RPTOR: variants seen among roughly 807,000 people sequenced by gnomAD.
RPTOR encodes the protein regulatory-associated protein of mTOR.
Under a neutral mutation model 169.9 loss-of-function variants are expected in RPTOR, and 21 were observed. The ratio of observed to expected loss-of-function variants is 0.12; its 90% CI spans 0.09 to 0.18. The LOEUF (loss-of-function observed/expected upper bound fraction) is 0.18. Among genes scored for constraint, RPTOR ranks in the 10% least tolerant of loss-of-function variants. RPTOR has a pLI of 1.00. For missense variants in RPTOR, 1,133 were observed against 1,855.9 expected (o/e 0.61, Z 7.16); for synonymous variants, 732 against 753.2 (o/e 0.97, Z 0.46).
At chr17:80,561,868 A>G (rs144758224) in intron 1 of RPTOR, among the ~76,000 whole-genome samples, 1 of 151,466 alleles carries the variant, frequency 6.6e-6, no homozygotes, top group Non-Finnish European at 1.5e-5. Flanking sequence ...ACATGTAAGT[A>G]TGTATGTGAA....
chr17:80,770,062 G>A (rs2066826952), intron 6 of RPTOR, among the ~76,000 whole-genome samples: 1 of 152,340 alleles, frequency 6.6e-6, no homozygotes, highest in African/African-American at 2.4e-5. Context: ...GAGGCTGGAA[G>A]TCCCAGGTCA....
At chr17:80,638,349 A>G (rs191074617) in intron 2 of RPTOR, among the ~76,000 whole-genome samples, 51 of 151,822 alleles carry the variant, frequency 3.4e-4, no homozygotes, top group African/African-American at 1.2e-3. Flanking sequence ...CTCTGTGCCC[A>G]CAGCTGAAAC....
rs146262142 is a variant in RPTOR at position 80,572,647 on chromosome 17, C to T, written c.162+26856C>T. Among the ~76,000 whole-genome samples the T allele has an allele frequency of 5.2e-3, 786 of 152,230 alleles. 7 individuals are homozygous for T. Among genetic ancestry groups the T allele is most frequent in the African/African-American group, 0.018 (760 of 41,540 alleles). On this transcript the variant is annotated intron_variant, in intron 1 of 33. Coordinates refer to ENST00000306801, the MANE Select transcript of RPTOR (RefSeq NM_020761.3). ...GGCTGAGGCAGGAGGATGGCTTGATCCCAGCAGTTCCAGGCTGCAGTGAGT... is the reference window on the plus strand; with the variant it reads ...GGCTGAGGCAGGAGGATGGCTTGATTCCAGCAGTTCCAGGCTGCAGTGAGT...
Position 80,883,416 on chromosome 17 carries a change from C to T in RPTOR, c.1585-3C>T, listed in dbSNP as rs778476282. The stretch of plus-strand genomic sequence containing the variant: ...ACGACCAGGACTGGTTTTTGTTTTC[C>T]AGGCTGAACACCGGACCATGACGGC... On this transcript the variant is annotated splice_region_variant and splice_polypyrimidine_tract_variant and intron_variant, in intron 14 of 33. Coordinates refer to ENST00000306801, the MANE Select transcript of RPTOR (RefSeq NM_020761.3). 4.8e-5 allele frequency: 77 copies of T among 1,613,878 alleles called. No individual in the cohort carries two copies. Among genetic ancestry groups the T allele is most frequent in the Non-Finnish European group, 5.8e-5 (69 of 1,179,928 alleles).
At position 80,845,946 on chromosome 17, in the gene RPTOR, C is replaced by T. The variant is rs140516918; in HGVS notation, c.1213-527C>T. 2.4e-3 allele frequency among the ~76,000 whole-genome samples: 364 copies of T among 152,308 alleles called. No individual in the cohort carries two copies. Among genetic ancestry groups the T allele is most frequent in the Middle Eastern group, 0.024 (7 of 294 alleles). On this transcript the variant is annotated intron_variant, in intron 10 of 33. Transcript: ENST00000306801. This position sits in a 1 kb window ranked among gnomAD's most constrained non-coding sequence, Gnocchi z 5.4. The stretch of plus-strand genomic sequence containing the variant: ...TTGAGCTCTGCTTTCCCTCCACTGC[C>T]GGGCCCTCACCGGCCCCAGCGCGGC...
chr17:80,873,248 G>A (rs1187150167), intron 13 of RPTOR, among the ~76,000 whole-genome samples: 1 of 152,136 alleles, frequency 6.6e-6, no homozygotes, highest in African/African-American at 2.4e-5. Context: ...CTGGGCACAG[G>A]GAGCCCCTCC....
intron 6 of RPTOR, among the ~76,000 whole-genome samples, chr17:80,762,682 A>G (rs1778626802): frequency 6.6e-6 from 1 of 152,252 alleles, no homozygotes; most frequent in African/African-American, 2.4e-5. Context: ...AAATAATTGA[A>G]GAGATGGATT....
intron 3 of RPTOR, among the ~76,000 whole-genome samples, chr17:80,690,304 T>C (rs1015105716): frequency 1.1e-4 from 16 of 149,268 alleles, no homozygotes; most frequent in Admixed American, 3.4e-4. Flanking sequence ...ATTTACTTTC[T>C]CTAAAGATAA....
chr17:80,856,597 C>T (rs909687589), intron 12 of RPTOR, among the ~76,000 whole-genome samples: 1 of 152,114 alleles, frequency 6.6e-6, no homozygotes, highest in African/African-American at 2.4e-5. Context: ...TGCCTGAGGC[C>T]ACAAATAGCT....
At chr17:80,588,541 T>C (rs1470608233) in intron 1 of RPTOR, among the ~76,000 whole-genome samples, 1 of 152,236 alleles carries the variant, frequency 6.6e-6, no homozygotes, top group Non-Finnish European at 1.5e-5. Flanking sequence ...AACATGGGTA[T>C]GCAGATGTGT....
chr17:80,839,673 C>T (rs976949458), intron 10 of RPTOR, among the ~76,000 whole-genome samples: 15 of 152,240 alleles, frequency 9.9e-5, no homozygotes, highest in Non-Finnish European at 1.8e-4. Context: ...TGCGCTTTTC[C>T]GAAGAGCTCT....
chr17:80,776,021 G>A (rs2066888805), intron 6 of RPTOR, among the ~76,000 whole-genome samples: 3 of 122,032 alleles, frequency 2.5e-5, no homozygotes, highest in African/African-American at 9.8e-5. Flanking sequence ...GTTTTTTCCT[G>A]TTCATCTTTG....
At chr17:80,859,138 G>C (rs2067889180) in intron 13 of RPTOR, among the ~76,000 whole-genome samples, 1 of 152,194 alleles carries the variant, frequency 6.6e-6, no homozygotes, top group Non-Finnish European at 1.5e-5. Context: ...AACTGGTCAG[G>C]AGCCCTGTGC....
rs182428240 is a variant in RPTOR at position 80,908,939 on chromosome 17, G to T, written c.2520+10G>T. On this transcript the variant is annotated intron_variant, in intron 21 of 33. Coordinates refer to ENST00000306801, the MANE Select transcript of RPTOR (RefSeq NM_020761.3). ...CAGCATCGCCTACAAGGTACGTGCC[G>T]GGCGCTCCCCACCGCGCTCCAGCTG... The T allele has an allele frequency of 6.3e-7, 1 of 1,594,432 alleles. No homozygotes were observed. The highest frequency in any genetic ancestry group is 8.6e-7 in the Non-Finnish European group (1 of 1,162,892).
intron 4 of RPTOR, among the ~76,000 whole-genome samples, chr17:80,722,041 T>C (rs1032914689): frequency 2.6e-5 from 4 of 151,108 alleles, no homozygotes; most frequent in Non-Finnish European, 5.9e-5. Flanking sequence ...GATTTTCTTT[T>C]AGTTAATTTT....
intron 17 of RPTOR, among the ~76,000 whole-genome samples, chr17:80,889,717 G>C (rs1457547075): frequency 2.0e-5 from 3 of 152,182 alleles, no homozygotes; most frequent in East Asian, 1.9e-4. Context: ...GGGCAGGAAG[G>C]GTCCAACGCA....
intron 7 of RPTOR, among the ~76,000 whole-genome samples, chr17:80,818,649 T>C (rs2067348137): frequency 1.3e-5 from 2 of 152,170 alleles, no homozygotes; most frequent in Admixed American, 1.3e-4. Flanking sequence ...CACTGGATGG[T>C]TGGTTCATCG....
At position 80,651,503 on chromosome 17, in the gene RPTOR, C is replaced by T. The variant is rs74763216; in HGVS notation, c.348+7693C>T. On this transcript the variant is annotated intron_variant, in intron 3 of 33. Coordinates refer to ENST00000306801, the MANE Select transcript of RPTOR (RefSeq NM_020761.3). The surrounding 1 kb of genome is among the most constrained non-coding windows in gnomAD (Gnocchi z 4.1). ...TGTACAGCTCCCTCCCAAATGTCCGCGATTTACTTGTTGGTATGACACATA... is the reference window on the plus strand; with the variant it reads ...TGTACAGCTCCCTCCCAAATGTCCGTGATTTACTTGTTGGTATGACACATA... Among the ~76,000 whole-genome samples, 196 of 151,872 alleles carry T rather than the reference C, an allele frequency of 1.3e-3. No homozygotes were observed. Among genetic ancestry groups the T allele is most frequent in the African/African-American group, 4.6e-3 (190 of 41,282 alleles).
chr17:80,555,201 C>T (rs1274400365), intron 1 of RPTOR, among the ~76,000 whole-genome samples: 2 of 152,188 alleles, frequency 1.3e-5, no homozygotes, highest in Non-Finnish European at 2.9e-5. Flanking sequence ...CTTGAAGTGA[C>T]ATTAGATAAG....
Sources: allele counts gnomAD v4.1 joint callset (sites outside exome capture counted in the v4.1 genomes callset), GRCh38; gene constraint gnomAD v4.1.1; non-coding constraint Gnocchi (gnomAD v3.1); transcripts MANE v1.5; gene names NCBI Gene and HGNC (gene_info 2026-07-23, HGNC 2026-07-21).